HCN4: variants seen among roughly 807,000 people sequenced by gnomAD.
HCN4 encodes the protein potassium/sodium hyperpolarization-activated cyclic nucleotide-gated channel 4.
Under a neutral mutation model 76.9 loss-of-function variants are expected in HCN4, and 29 were observed. That is an observed-to-expected ratio of 0.38 (90% CI 0.28 to 0.51). The LOEUF is 0.51. Ranked by LOEUF, HCN4 falls within the 20% of genes least tolerant of loss-of-function variation. The pLI, the probability that HCN4 is intolerant of heterozygous loss-of-function variation, is 0.90. For synonymous variants in HCN4, 772 were observed against 762.5 expected, an observed-to-expected ratio of 1.01 and a Z score of -0.21; for missense variants, 1,416 against 1,715.2, an observed-to-expected ratio of 0.83 and a Z score of 3.08.
chr15:73,333,956 T>C (rs1406931197), intron 2 of HCN4, among the ~76,000 whole-genome samples: 1 of 152,170 alleles, frequency 6.6e-6, no homozygotes, highest in Non-Finnish European at 1.5e-5. Flanking sequence ...TATTAGATTG[T>C]TAGATTGACC....
chr15:73,352,784 C>T (rs557820289), intron 1 of HCN4, among the ~76,000 whole-genome samples: 1 of 152,290 alleles, frequency 6.6e-6, no homozygotes, highest in South Asian at 2.1e-4. Context: ...ACTCAGGAGC[C>T]CTGAGGAGGG....
At chr15:73,349,023 C>T (rs1430820880) in intron 1 of HCN4, among the ~76,000 whole-genome samples, 17 of 152,180 alleles carry the variant, frequency 1.1e-4, no homozygotes. Flanking sequence ...TTACTGCTGC[C>T]TCTTACCTCC....
At chr15:73,353,899 T>G (rs907577523) in intron 1 of HCN4, among the ~76,000 whole-genome samples, 4 of 152,090 alleles carry the variant, frequency 2.6e-5, no homozygotes, top group African/African-American at 4.8e-5. Flanking sequence ...CAACCTCCCC[T>G]CACTGTTGTT....
chr15:73,339,273 A>G (rs2042984574), intron 2 of HCN4, among the ~76,000 whole-genome samples: 1 of 152,216 alleles, frequency 6.6e-6, no homozygotes, highest in African/African-American at 2.4e-5. Context: ...GATGGAGGCA[A>G]GAGGCTTGCA....
rs2042871035 is a variant in HCN4 at position 73,322,925 on chromosome 15, A to G, written c.3168T>C (p.Pro1056=). Residue 1056 remains proline, a synonymous_variant, in exon 8 of 8, where the codon CCT becomes CCC. Transcript: ENST00000261917. ...SGSHGSLLLP[P]ASSPPPPQVP... ...CCTGGGGTGGTGGGGGGCTGGATGC[A>G]GGTGGCAGGAGCAAGGATCCGTGGG... 1.4e-6 allele frequency: 2 copies of G among 1,390,644 alleles called. No individual in the cohort carries two copies. The highest frequency in any genetic ancestry group is 1.9e-6 in the Non-Finnish European group (2 of 1,055,494). The allele number at this position is 1,390,644 out of a possible 1,614,324, so 86.1% of individuals were successfully genotyped here.
At chr15:73,363,148 C>T (rs2043113296) in intron 1 of HCN4, among the ~76,000 whole-genome samples, 1 of 152,228 alleles carries the variant, frequency 6.6e-6, no homozygotes, top group Non-Finnish European at 1.5e-5. Flanking sequence ...GCTTTGCACA[C>T]TGAGAGTCCT....
rs1287585732 is a variant in HCN4 at position 73,364,443 on chromosome 15, TTTG to T, written c.785+3040_785+3042del. ...ACAAGATTAGCCAGTACCTATGTTT[TTTG>T]TTGTTGTTGTTGTTCCAGGTTCTCC... On this transcript the variant is annotated intron_variant, in intron 1 of 7. Transcript: ENST00000261917. 3.3e-5 allele frequency among the ~76,000 whole-genome samples: 5 copies of T among 152,316 alleles called. No homozygotes were observed. The East Asian group carries it at 5.8e-4, about 18-fold the overall frequency.
In HCN4 at chr15:73,325,259, G is replaced by T. The variant is rs1338704869; in HGVS notation, c.1737+39C>A. The T allele has an allele frequency of 1.9e-6, 3 of 1,614,060 alleles. No individual in the cohort carries two copies. The highest frequency in any genetic ancestry group is 2.5e-6 in the Non-Finnish European group (3 of 1,179,948). On this transcript the variant is annotated intron_variant, in intron 5 of 7. Transcript: ENST00000261917. This position sits in a 1 kb window ranked among gnomAD's most constrained non-coding sequence, Gnocchi z 7.4. ...GTGAGGGGAGCTGGCTGCCAGGAAG[G>T]CCTGGCTCCCCTCCACGCCGGGCCG...
Position 73,325,454 on chromosome 15 carries a change from G to C in HCN4, c.1591-10C>G. 2 of 1,614,020 alleles carry C rather than the reference G, an allele frequency of 1.2e-6. No homozygotes were observed. Among genetic ancestry groups the C allele is most frequent in the East Asian group, 2.2e-5 (1 of 44,872 alleles). On this transcript the variant is annotated splice_polypyrimidine_tract_variant and intron_variant, in intron 4 of 7. Transcript: ENST00000261917. This position sits in a 1 kb window ranked among gnomAD's most constrained non-coding sequence, Gnocchi z 7.4. ...GCTCCACCTGCTTGTACTGAGGCCGGGAGAAGGGGGCGTCAGCTCCACCCC... is the reference window on the plus strand; with the variant it reads ...GCTCCACCTGCTTGTACTGAGGCCGCGAGAAGGGGGCGTCAGCTCCACCCC...
intron 1 of HCN4, among the ~76,000 whole-genome samples, chr15:73,345,453 T>C (rs1345860720): frequency 6.6e-6 from 1 of 152,180 alleles, no homozygotes; most frequent in African/African-American, 2.4e-5. Flanking sequence ...GTGGCCCCAG[T>C]ACCCATATGC....
Position 73,343,292 on chromosome 15 carries a change from G to T in HCN4, c.1209+93C>A. 8.0e-7 allele frequency: 1 copy of T among 1,244,140 alleles called. No individual in the cohort carries two copies. Among genetic ancestry groups the T allele is most frequent in the Non-Finnish European group, 1.2e-6 (1 of 863,604 alleles). The allele number at this position is 1,244,140 out of a possible 1,614,324, so 77.1% of individuals were successfully genotyped here. On this transcript the variant is annotated intron_variant, in intron 2 of 7. Coordinates refer to ENST00000261917, the MANE Select transcript of HCN4 (RefSeq NM_005477.3). This position sits in a 1 kb window ranked among gnomAD's most constrained non-coding sequence, Gnocchi z 5.7. ...CAGGTGTGCCTGCCACAATCTGACA[G>T]CCTATGTTCAATTATCTGAGGTTCC...
chr15:73,332,520 A>T (rs2042939324), intron 2 of HCN4, among the ~76,000 whole-genome samples: 1 of 152,198 alleles, frequency 6.6e-6, no homozygotes, highest in Non-Finnish European at 1.5e-5. Context: ...CCTGGCATCT[A>T]TACAGATGGG....
intron 1 of HCN4, among the ~76,000 whole-genome samples, chr15:73,344,810 A>C (rs547338): frequency 0.07 from 10,667 of 152,168 alleles, 741 homozygotes; most frequent in African/African-American, 0.18. Flanking sequence ...TGGAGTGTGG[A>C]AACAACACAG....
intron 1 of HCN4, among the ~76,000 whole-genome samples, chr15:73,366,287 T>G (rs1055338165): frequency 5.9e-5 from 9 of 152,204 alleles, no homozygotes; most frequent in Non-Finnish European, 1.2e-4. Context: ...GAAAATGGCT[T>G]TGCTCTCATT....
intron 2 of HCN4, among the ~76,000 whole-genome samples, chr15:73,336,556 A>G (rs1349360416): frequency 3.9e-5 from 6 of 152,028 alleles, no homozygotes; most frequent in Admixed American, 3.9e-4. Flanking sequence ...ACACATCCAA[A>G]ACCTGTTTCC....
chr15:73,352,264 C>T (rs927478089), intron 1 of HCN4, among the ~76,000 whole-genome samples: 2 of 152,156 alleles, frequency 1.3e-5, no homozygotes, highest in African/African-American at 2.4e-5. Flanking sequence ...GGAGTGCGTG[C>T]CAAAGGCTGA....
chr15:73,322,789 G>T lies in HCN4; in HGVS notation c.3304C>A (p.Arg1102Ser). 6.4e-7 allele frequency: 1 copy of T among 1,553,196 alleles called. No homozygotes were observed. The highest frequency in any genetic ancestry group is 8.7e-7 in the Non-Finnish European group (1 of 1,148,828). ...ALPQDGAQTL[R>S]RASPHSSGES... Reference sequence around the variant, plus strand: ...CCTGAGGAGTGCGGGGAGGCTCTGCGGAGAGTCTGCGCCCCGTCCTGAGGC... The same window carrying T: ...CCTGAGGAGTGCGGGGAGGCTCTGCTGAGAGTCTGCGCCCCGTCCTGAGGC... Residue 1102 changes from arginine (R) to serine (S), a missense_variant, in exon 8 of 8, where the codon CGC (arginine) becomes AGC (serine). Around this residue, in one of 6 missense-constraint regions of HCN4, gnomAD observed 633 missense variants for 579.8 expected, o/e 1.09. Transcript: ENST00000261917.
intron 1 of HCN4, among the ~76,000 whole-genome samples, chr15:73,344,148 C>A (rs2043020023): frequency 6.6e-6 from 1 of 152,168 alleles, no homozygotes. Flanking sequence ...GCTGTTTTAG[C>A]AAAAGGAGCA....
chr15:73,323,193 G>C lies in HCN4; in HGVS notation c.2900C>G (p.Ser967Cys). The part of the protein sequence containing the change: ...HFLPPPPSSR[S>C]PSSSPGQLGQ... ...CAGCTGCCCGGGGCTAGATGACGGGGATCTGGATGAGGGTGGGGGTGGCAG... is the reference window on the plus strand; with the variant it reads ...CAGCTGCCCGGGGCTAGATGACGGGCATCTGGATGAGGGTGGGGGTGGCAG... Residue 967 changes from serine to cysteine, a missense_variant, in exon 8 of 8, where the codon TCC becomes TGC. Ser to Cys is a moderately radical substitution (Grantham distance 112). Around this residue, in one of 6 missense-constraint regions of HCN4, gnomAD observed 633 missense variants for 579.8 expected, o/e 1.09. Transcript: ENST00000261917. The C allele has an allele frequency of 1.3e-6, 2 of 1,544,214 alleles. No individual in the cohort carries two copies. Among genetic ancestry groups the C allele is most frequent in the East Asian group, 4.5e-5 (2 of 43,970 alleles).
Sources: gnomAD v4.1 joint callset for allele counts (sites outside exome capture counted in the v4.1 genomes callset) on GRCh38, gnomAD v4.1.1 for gene constraint, gnomAD v4.1.1 regional missense constraint, Gnocchi (gnomAD v3.1) non-coding constraint, MANE v1.5 for transcripts, NCBI Gene and HGNC (gene_info 2026-07-23, HGNC 2026-07-21) for gene names.